Variants in COG6 observed in about 807,000 individuals in gnomAD.
The protein encoded by COG6 is conserved oligomeric Golgi complex subunit 6.
A neutral mutation model predicts 88.8 loss-of-function variants in COG6; 74 were observed. That is an observed-to-expected ratio of 0.83 (90% CI 0.69 to 1.01). COG6 has a LOEUF of 1.01. Among genes scored for constraint, COG6 ranks in the 50% least tolerant of loss-of-function variants. The pLI, the probability that COG6 is intolerant of heterozygous loss-of-function variation, is 0.00. For synonymous variants in COG6, 286 were observed against 278.7 expected (o/e 1.03, Z -0.26); for missense variants, 800 against 797.9 (o/e 1.00, Z -0.03).
At chr13:39,658,826 T>C (rs1286055067) in intron 1 of COG6, among the ~76,000 whole-genome samples, 1 of 152,194 alleles carries the variant, frequency 6.6e-6, no homozygotes, top group Non-Finnish European at 1.5e-5. Context: ...CTTCCAGTTA[T>C]TCAGTTTCTA....
At chr13:39,777,007 A>T (rs1356642333) in intron 18 of COG6, among the ~76,000 whole-genome samples, 1 of 152,212 alleles carries the variant, frequency 6.6e-6, no homozygotes, top group Non-Finnish European at 1.5e-5. Flanking sequence ...GCTTGTAGAT[A>T]GGTGAGAAGT....
rs549157140 is a variant in COG6 at position 39,734,903 on chromosome 13, T to A, written c.1826+7355T>A. Among the ~76,000 whole-genome samples the A allele has an allele frequency of 3.3e-5, 5 of 152,322 alleles. No individual in the cohort carries two copies. In the East Asian group the frequency reaches 5.8e-4, roughly 18 times the overall value. ...GCCTTCAAATCTATTTTTTCTGATA[T>A]AAATAAGTATAGCTACTCCTATTTT... On this transcript the variant is annotated intron_variant, in intron 18 of 18. Coordinates refer to ENST00000455146, the MANE Select transcript of COG6 (RefSeq NM_020751.3).
intron 18 of COG6, among the ~76,000 whole-genome samples, chr13:39,766,127 G>T (rs1000072608): frequency 3.9e-5 from 6 of 151,982 alleles, no homozygotes; most frequent in African/African-American, 1.2e-4. Flanking sequence ...CACCCTTCTC[G>T]CCCATCTGCC....
chr13:39,785,269 G>A (rs1881738739), intron 18 of COG6: 1 of 152,328 alleles, frequency 6.6e-6, no homozygotes. Context: ...CTATATCAGG[G>A]TATATAGTGA....
At chr13:39,712,633 T>G (rs769754298) in intron 13 of COG6, among the ~76,000 whole-genome samples, 31 of 152,342 alleles carry the variant, frequency 2.0e-4, no homozygotes, top group Non-Finnish European at 3.8e-4. Flanking sequence ...TCACATGTCA[T>G]TTTAGTAGCC....
chr13:39,789,179 A>C (rs1881864312), exon 19 of COG6: 1 of 152,130 alleles, frequency 6.6e-6, no homozygotes. Context: ...ACTACACACA[A>C]AGTTCTGTTC....
chr13:39,667,677 A>G (rs1875357221), intron 4 of COG6, among the ~76,000 whole-genome samples: 1 of 152,194 alleles, frequency 6.6e-6, no homozygotes, highest in Admixed American at 6.5e-5. Context: ...TGAATGACAC[A>G]AAGTATGGAA....
At chr13:39,748,071 G>A (rs1880434104) in intron 18 of COG6, among the ~76,000 whole-genome samples, 1 of 152,110 alleles carries the variant, frequency 6.6e-6, no homozygotes, top group African/African-American at 2.4e-5. Flanking sequence ...TATGAGGCAT[G>A]AGTAATGAAT....
chr13:39,713,293 C>G (rs1395326014), intron 13 of COG6, among the ~76,000 whole-genome samples: 1 of 152,152 alleles, frequency 6.6e-6, no homozygotes, highest in Non-Finnish European at 1.5e-5. Flanking sequence ...TTTAGGCTCT[C>G]TAAATAACAA....
At chr13:39,682,146 A>T in intron 7 of COG6, 25 bp from the exon 8 acceptor site, 1 of 1,520,550 alleles carries the variant, frequency 6.6e-7, no homozygotes, top group Non-Finnish European at 9.1e-7. Flanking sequence ...ATTTAACAAA[A>T]GTTATAATGT....
At position 39,671,649 on chromosome 13, in the gene COG6, G is replaced by T. The variant is rs182232542; in HGVS notation, c.429-5819G>T. Reference sequence around the variant, plus strand: ...AAGAATTTTAGGCTATCATGTATGTGTATGTTTGTGTCACACATGCATGTA... The same window carrying T: ...AAGAATTTTAGGCTATCATGTATGTTTATGTTTGTGTCACACATGCATGTA... On this transcript the variant is annotated intron_variant, in intron 4 of 18. Transcript: ENST00000455146. 2.0e-3 allele frequency among the ~76,000 whole-genome samples: 302 copies of T among 151,936 alleles called. 1 individual carries two copies. The highest frequency in any genetic ancestry group is 6.8e-3 in the African/African-American group (284 of 41,478).
chr13:39,724,748 T>C (rs192694670), intron 17 of COG6, among the ~76,000 whole-genome samples, 187 bp downstream of exon 17: 55 of 152,044 alleles, frequency 3.6e-4, no homozygotes, highest in African/African-American at 1.2e-3. Context: ...AAGTCTTACA[T>C]TCATAGTAGT....
intron 13 of COG6, among the ~76,000 whole-genome samples, chr13:39,711,147 A>G (rs1021640210): frequency 7.9e-5 from 12 of 152,156 alleles, no homozygotes; most frequent in African/African-American, 2.7e-4. Flanking sequence ...AAAAGTTTAA[A>G]GCATATGAGT....
intron 17 of COG6, among the ~76,000 whole-genome samples, chr13:39,726,029 G>A (rs1174550593): frequency 6.6e-6 from 1 of 151,908 alleles, no homozygotes; most frequent in Non-Finnish European, 1.5e-5. Flanking sequence ...TGTTCCTGGT[G>A]TTAATTTTCA....
At chr13:39,670,072 A>G (rs1243600184) in intron 4 of COG6, among the ~76,000 whole-genome samples, 1 of 152,170 alleles carries the variant, frequency 6.6e-6, no homozygotes, top group African/African-American at 2.4e-5. Flanking sequence ...AGACAAATGT[A>G]TGAATGATAT....
At chr13:39,723,589 C>T in intron 16 of COG6, 149 bp downstream of exon 16, 2 of 649,460 alleles carry the variant, frequency 3.1e-6, no homozygotes, top group Middle Eastern at 2.5e-4. Flanking sequence ...GTTTCCTTAC[C>T]TGTGGATTGG....
At chr13:39,707,370 G>T (rs966204923) in intron 13 of COG6, among the ~76,000 whole-genome samples, 1 of 151,454 alleles carries the variant, frequency 6.6e-6, no homozygotes, top group Non-Finnish European at 1.5e-5. Flanking sequence ...CTCATGATCC[G>T]CCCGCCTCAG....
chr13:39,744,592 A>C (rs1221227287), intron 18 of COG6, among the ~76,000 whole-genome samples: 2 of 152,340 alleles, frequency 1.3e-5, no homozygotes, highest in South Asian at 4.1e-4. Context: ...ACCACTGCTC[A>C]ACAAAATAAA....
chr13:39,759,015 A>G (rs897976319), intron 18 of COG6, among the ~76,000 whole-genome samples: 1 of 152,232 alleles, frequency 6.6e-6, no homozygotes, highest in East Asian at 1.9e-4. Flanking sequence ...AATCTCCAGA[A>G]TAGGCAAATC....
Sources: allele counts gnomAD v4.1 joint callset (sites outside exome capture counted in the v4.1 genomes callset), GRCh38; gene constraint gnomAD v4.1.1; transcripts MANE v1.5; gene names NCBI Gene and HGNC (gene_info 2026-07-23, HGNC 2026-07-21).